The following STIM1 variants were observed in gnomAD, a reference collection of about 807,000 sequenced individuals.
STIM1 encodes the protein stromal interaction molecule 1.
A neutral mutation model predicts 74.7 loss-of-function variants in STIM1; 25 were observed. The ratio of observed to expected loss-of-function variants is 0.33; its 90% CI spans 0.24 to 0.47. The LOEUF (loss-of-function observed/expected upper bound fraction) is 0.47, where lower values mean the gene tolerates loss of function less well. Ranked by LOEUF, STIM1 falls within the 20% of genes least tolerant of loss-of-function variation. The pLI is 1.00. For missense variants in STIM1, 728 were observed against 920.8 expected, an observed-to-expected ratio of 0.79 and a Z score of 2.71; for synonymous variants, 328 against 348.8, an observed-to-expected ratio of 0.94 and a Z score of 0.66.
intron 5 of STIM1, among the ~76,000 whole-genome samples, chr11:4,061,432 C>G (rs1223260673): frequency 1.3e-5 from 2 of 152,094 alleles, no homozygotes. Context: ...GGTACTGAAG[C>G]TAAGAATATA....
At chr11:4,014,370 T>C (rs908772050) in intron 2 of STIM1, among the ~76,000 whole-genome samples, 38 of 152,246 alleles carry the variant, frequency 2.5e-4, no homozygotes, top group Non-Finnish European at 4.3e-4. Context: ...TTGAGTGAAC[T>C]TCTTAATCCT....
chr11:3,862,566 C>T (rs1023509965), intron 1 of STIM1, among the ~76,000 whole-genome samples: 6 of 152,086 alleles, frequency 3.9e-5, no homozygotes, highest in South Asian at 2.1e-4. Flanking sequence ...TCAGAATGAC[C>T]GAGCAGGTTC....
chr11:3,882,501 T>C (rs529113323), intron 1 of STIM1, among the ~76,000 whole-genome samples: 1 of 152,328 alleles, frequency 6.6e-6, no homozygotes, highest in East Asian at 1.9e-4. Context: ...GTTTCCACCT[T>C]TTGGCTCTTG....
At chr11:3,919,544 A>G (rs1054278982) in intron 1 of STIM1, among the ~76,000 whole-genome samples, 1 of 152,100 alleles carries the variant, frequency 6.6e-6, no homozygotes, top group Non-Finnish European at 1.5e-5. Flanking sequence ...GAGTCTTTCA[A>G]ATTTAAATAG....
At chr11:3,966,009 AAAACAAACAAAC>A (rs139956777) in intron 1 of STIM1, among the ~76,000 whole-genome samples, 2 of 152,102 alleles carry the variant, frequency 1.3e-5, no homozygotes, top group South Asian at 2.1e-4. Context: ...TCTGTCTCAA[AAAACAAACAAAC>A]AAACAAACAA....
chr11:4,045,772 T>TC (rs1272437099), intron 3 of STIM1, among the ~76,000 whole-genome samples: 1 of 148,058 alleles, frequency 6.8e-6, no homozygotes, highest in East Asian at 2.0e-4. Flanking sequence ...CTTTTTTTTT[T>TC]TTTTTTTTTT....
intron 1 of STIM1, among the ~76,000 whole-genome samples, chr11:3,894,926 T>TTG (rs1276259538): frequency 6.6e-6 from 1 of 150,494 alleles, no homozygotes; most frequent in East Asian, 1.9e-4. Flanking sequence ...TTTTTTTTTT[T>TTG]TTAGTAGAGA....
chr11:3,929,406 G>A (rs2092830780), intron 1 of STIM1, among the ~76,000 whole-genome samples: 1 of 152,162 alleles, frequency 6.6e-6, no homozygotes, highest in African/African-American at 2.4e-5. Flanking sequence ...TGAGGCTGGA[G>A]GTGCCAGGAT....
intron 3 of STIM1, among the ~76,000 whole-genome samples, chr11:4,030,086 T>C (rs1298659569): frequency 1.3e-5 from 2 of 152,212 alleles, no homozygotes; most frequent in Admixed American, 1.3e-4. Context: ...CTAGCACTTT[T>C]GAGAGGCTGA....
At chr11:3,867,558 GC>G (rs1342327535) in intron 1 of STIM1, among the ~76,000 whole-genome samples, 1 of 152,236 alleles carries the variant, frequency 6.6e-6, no homozygotes, top group Non-Finnish European at 1.5e-5. Context: ...GGCTTGTTGT[GC>G]AGCAGAGAGA....
At chr11:3,926,615 A>G (rs1233275084) in intron 1 of STIM1, among the ~76,000 whole-genome samples, 1 of 152,196 alleles carries the variant, frequency 6.6e-6, no homozygotes, top group Non-Finnish European at 1.5e-5. Flanking sequence ...CTTTGTGTGG[A>G]TAGTACTGCC....
At chr11:3,978,002 C>T (rs1301948239) in intron 2 of STIM1, among the ~76,000 whole-genome samples, 1 of 152,054 alleles carries the variant, frequency 6.6e-6, no homozygotes, top group Non-Finnish European at 1.5e-5. Flanking sequence ...TTGACTAGGG[C>T]CAGGACACTG....
chr11:3,887,969 CAAAA>C (rs71047183), intron 1 of STIM1: 5 of 104,944 alleles, frequency 4.8e-5, no homozygotes, highest in Non-Finnish European at 4.1e-5. Flanking sequence ...GACTCTGTCT[CAAAA>C]AAAAAAAAAA....
intron 1 of STIM1, among the ~76,000 whole-genome samples, chr11:3,913,902 A>G (rs2135490810): frequency 6.6e-6 from 1 of 152,310 alleles, no homozygotes; most frequent in African/African-American, 2.4e-5. Flanking sequence ...TCTTAGAATA[A>G]TATTTTGGAG....
Position 4,091,927 on chromosome 11 carries a change from C to T in STIM1, c.*129C>T. ...GGAAGGGCTGGTCCAGGGGTCTGGG[C>T]ACTGTACATACCTGCCCCCTCATCC... On this transcript the variant is annotated 3_prime_UTR_variant, in exon 13 of 13. Transcript: ENST00000526596. 2 of 1,264,808 alleles carry T rather than the reference C, an allele frequency of 1.6e-6. No individual in the cohort carries two copies. Among genetic ancestry groups the T allele is most frequent in the Non-Finnish European group, 2.2e-6 (2 of 898,592 alleles). The allele number at this position is 1,264,808 out of a possible 1,614,324, so 78.3% of individuals were successfully genotyped here.
intron 3 of STIM1, among the ~76,000 whole-genome samples, chr11:4,049,031 G>T (rs2094216366): frequency 6.6e-6 from 1 of 152,190 alleles, no homozygotes; most frequent in African/African-American, 2.4e-5. Context: ...ACTGCACCTG[G>T]CCTATAAATT....
chr11:4,087,022 C>G, intron 12 of STIM1, among the ~76,000 whole-genome samples: 1 of 152,196 alleles, frequency 6.6e-6, no homozygotes, highest in Admixed American at 6.5e-5. Context: ...TTTTTAAGGT[C>G]AGCCTACTTT....
intron 1 of STIM1, among the ~76,000 whole-genome samples, chr11:3,930,458 G>A (rs2092845677): frequency 6.6e-6 from 1 of 152,114 alleles, no homozygotes. Context: ...TTGTATTATT[G>A]AATTATCTCA....
chr11:3,908,050 A>G (rs965575496), intron 1 of STIM1, among the ~76,000 whole-genome samples: 1 of 152,112 alleles, frequency 6.6e-6, no homozygotes, highest in Non-Finnish European at 1.5e-5. Flanking sequence ...CATCTGGCAT[A>G]TTTATTGGTC....
Sources: allele counts gnomAD v4.1 joint callset (sites outside exome capture counted in the v4.1 genomes callset), GRCh38; gene constraint gnomAD v4.1.1; transcripts MANE v1.5; gene names NCBI Gene and HGNC (gene_info 2026-07-23, HGNC 2026-07-21).